The following RNF216 variants were observed in gnomAD, a reference collection of about 807,000 sequenced individuals.
The protein encoded by RNF216 is E3 ubiquitin-protein ligase RNF216.
Under a neutral mutation model 110.8 loss-of-function variants are expected in RNF216, and 72 were observed. The ratio of observed to expected loss-of-function variants is 0.65; its 90% CI spans 0.54 to 0.79. The LOEUF (loss-of-function observed/expected upper bound fraction) is 0.79, where lower values mean the gene tolerates loss of function less well. Ranked by LOEUF, RNF216 falls within the 30% of genes least tolerant of loss-of-function variation. RNF216 has a pLI of 0.00. For missense variants in RNF216, 1,342 were observed against 1,141.2 expected (o/e 1.18, Z -2.54); for synonymous variants, 495 against 407.5 (o/e 1.21, Z -2.59).
intron 2 of RNF216, among the ~76,000 whole-genome samples, chr7:5,755,680 A>G (rs1795598425): frequency 6.6e-6 from 1 of 152,178 alleles, no homozygotes; most frequent in Non-Finnish European, 1.5e-5. Flanking sequence ...AATATAACAT[A>G]AAATTATTCC....
chr7:5,663,282 T>C (rs1169326496), intron 13 of RNF216, among the ~76,000 whole-genome samples: 2 of 151,688 alleles, frequency 1.3e-5, no homozygotes, highest in Non-Finnish European at 2.9e-5. Flanking sequence ...ATTCATCCAA[T>C]AAAAAAAAGT....
chr7:5,622,719 G>A lies in RNF216; in HGVS notation c.*141C>T, dbSNP rs2128554255. On this transcript the variant is annotated 3_prime_UTR_variant, in exon 17 of 17. Transcript: ENST00000389902. ...CTTCCAGGAGCAGTAGCCCTTCTAG[G>A]AAAGGGGTGGGAAGAAAACCAGCCT... 3.8e-6 allele frequency: 3 copies of A among 795,324 alleles called. No homozygotes were observed. The highest frequency in any genetic ancestry group is 2.5e-5 in the East Asian group (1 of 39,638). 49.3% of individuals were successfully genotyped at this position (795,324 alleles called of 1,614,324 possible). A position where few individuals can be genotyped will look rare whatever the true frequency, so the allele number is the denominator to read the frequency against.
intron 4 of RNF216, among the ~76,000 whole-genome samples, chr7:5,740,715 C>T: frequency 6.6e-6 from 1 of 151,970 alleles, no homozygotes; most frequent in East Asian, 1.9e-4. Context: ...CAAGGGACTG[C>T]AGGTATGACA....
chr7:5,642,892 C>A (rs852468), intron 14 of RNF216, among the ~76,000 whole-genome samples: 3 of 152,004 alleles, frequency 2.0e-5, no homozygotes, highest in Non-Finnish European at 4.4e-5. Context: ...GGCTGAGGTG[C>A]GGCTTTAAGG....
chr7:5,674,300 T>C (rs1372540375), intron 13 of RNF216, among the ~76,000 whole-genome samples: 1 of 152,000 alleles, frequency 6.6e-6, no homozygotes, highest in Non-Finnish European at 1.5e-5. Context: ...AGTGTTGGGA[T>C]TACAAGCGTA....
chr7:5,737,634 T>C (rs10441129), intron 5 of RNF216, among the ~76,000 whole-genome samples: 9,591 of 152,136 alleles, frequency 0.063, 989 homozygotes, highest in African/African-American at 0.22. Flanking sequence ...AACAGTGTCA[T>C]TGTACAAATT....
chr7:5,754,109 T>C (rs1043172690), intron 2 of RNF216, among the ~76,000 whole-genome samples: 1 of 146,356 alleles, frequency 6.8e-6, no homozygotes, highest in Admixed American at 7.3e-5. Context: ...GTAATGTTTT[T>C]CTTTTGTGTG....
chr7:5,671,029 C>T (rs1789874564), intron 13 of RNF216, among the ~76,000 whole-genome samples: 1 of 152,242 alleles, frequency 6.6e-6, no homozygotes, highest in African/African-American at 2.4e-5. Context: ...TTGCTAATAT[C>T]ATTTGTTATA....
intron 1 of RNF216, among the ~76,000 whole-genome samples, chr7:5,777,837 CAA>C (rs747876633): frequency 8.5e-5 from 13 of 152,150 alleles, no homozygotes; most frequent in Non-Finnish European, 1.6e-4. Flanking sequence ...AAATTAAACT[CAA>C]AATCTTCAGT....
intron 6 of RNF216, among the ~76,000 whole-genome samples, chr7:5,730,101 C>T (rs942352334): frequency 2.0e-5 from 3 of 152,250 alleles, no homozygotes; most frequent in African/African-American, 7.2e-5. Flanking sequence ...GTATAGTATA[C>T]GCTGTATACA....
intron 15 of RNF216, among the ~76,000 whole-genome samples, chr7:5,625,045 T>C (rs960411436): frequency 5.9e-5 from 9 of 152,176 alleles, no homozygotes; most frequent in Admixed American, 3.9e-4. Flanking sequence ...ATTAACTGGA[T>C]TGAAAAAACC....
At chr7:5,715,859 A>G (rs1025797429) in intron 10 of RNF216, among the ~76,000 whole-genome samples, 1 of 148,958 alleles carries the variant, frequency 6.7e-6, no homozygotes, top group Non-Finnish European at 1.5e-5. Flanking sequence ...CTCCTGCTTC[A>G]GCCTCCCGAG....
At chr7:5,699,713 C>T (rs1791845692) in intron 13 of RNF216, among the ~76,000 whole-genome samples, 1 of 152,200 alleles carries the variant, frequency 6.6e-6, no homozygotes, top group South Asian at 2.1e-4. Context: ...TAGCCTGTTA[C>T]ACTGGACATG....
At chr7:5,760,280 G>A (rs571978069) in intron 2 of RNF216, 1 of 162,284 alleles carries the variant, frequency 6.2e-6, no homozygotes, top group South Asian at 1.5e-4. Context: ...ACTTTGGCAG[G>A]CTGAGGCGGG....
chr7:5,773,161 A>T (rs6463515), intron 1 of RNF216, among the ~76,000 whole-genome samples: 149,033 of 152,270 alleles, frequency 0.98, 72,948 homozygotes, highest in Middle Eastern at 0.99. Flanking sequence ...TGATGTTATT[A>T]ATAAGTAGCA....
chr7:5,771,288 A>G (rs972990371), intron 1 of RNF216, among the ~76,000 whole-genome samples: 2 of 152,190 alleles, frequency 1.3e-5, no homozygotes, highest in Non-Finnish European at 2.9e-5. Flanking sequence ...TTTAAACAGA[A>G]AGGTAAAATA....
intron 13 of RNF216, among the ~76,000 whole-genome samples, chr7:5,684,765 G>A (rs1450737292): frequency 6.6e-6 from 1 of 152,090 alleles, no homozygotes; most frequent in Non-Finnish European, 1.5e-5. Context: ...CATATAGTTA[G>A]GAAAAACAAA....
Position 5,741,535 on chromosome 7 carries a change from C to G in RNF216, c.482G>C (p.Ser161Thr). Residue 161 changes from serine to threonine, a missense_variant, in exon 4 of 17, where the codon AGT becomes ACT. By Grantham distance (58) the Ser-to-Thr change is moderately conservative. Transcript: ENST00000389902. ...QTEREPKPGP[S>T]HNQAANDIVN... ...AATGTCATTTGCTGCTTGGTTATGA[C>G]TCGGTCCAGGCTTGGGTTCTCTTTC... is the stretch of plus-strand genomic sequence containing the variant. 2 of 1,614,182 alleles carry G rather than the reference C, an allele frequency of 1.2e-6. No homozygotes were observed. Among genetic ancestry groups the G allele is most frequent in the Non-Finnish European group, 1.7e-6 (2 of 1,180,038 alleles).
chr7:5,741,696 C>G lies in RNF216; in HGVS notation c.321G>C (p.Lys107Asn). The change falls in exon 4 of 17, where the codon AAG becomes AAC. Residue 107 changes from lysine to asparagine, a missense_variant. By Grantham distance (94) the Lys-to-Asn change is moderately conservative. Transcript: ENST00000389902. ...KKSRAAFESD[K>N]SSYFSVCNNP... ...TGTTACACACTGAAAAATAGCTGCT[C>G]TTATCTGATTCAAATGCTGCTCTAG... 6.2e-7 allele frequency: 1 copy of G among 1,614,212 alleles called. No homozygotes were observed. Among genetic ancestry groups the G allele is most frequent in the South Asian group, 1.1e-5 (1 of 91,084 alleles).
Sources: allele counts gnomAD v4.1 joint callset (sites outside exome capture counted in the v4.1 genomes callset), GRCh38; gene constraint gnomAD v4.1.1; transcripts MANE v1.5; gene names NCBI Gene and HGNC (gene_info 2026-07-23, HGNC 2026-07-21).